NKAIN2: variants seen among roughly 807,000 people sequenced by gnomAD.
The protein encoded by NKAIN2 is sodium/potassium transporting ATPase interacting 2.
NKAIN2 carries 14 observed loss-of-function variants against 32.6 expected under a neutral mutation model. The ratio of observed to expected loss-of-function variants is 0.43; its 90% CI spans 0.28 to 0.67. NKAIN2 has a LOEUF of 0.67. Ranked by LOEUF, NKAIN2 falls within the 30% of genes least tolerant of loss-of-function variation. The pLI is 0.17. For synonymous variants in NKAIN2, 80 were observed against 87.2 expected (o/e 0.92, Z 0.46); for missense variants, 198 against 258.3 (o/e 0.77, Z 1.60).
chr6:124,818,111 G>A (rs567293676), intron 5 of NKAIN2, among the ~76,000 whole-genome samples: 1 of 152,104 alleles, frequency 6.6e-6, no homozygotes, highest in East Asian at 1.9e-4. Flanking sequence ...TTAGGTCTTG[G>A]TTGTTTGAAA....
chr6:124,739,676 T>C (rs1271904281), intron 4 of NKAIN2, among the ~76,000 whole-genome samples: 2 of 151,734 alleles, frequency 1.3e-5, no homozygotes, highest in African/African-American at 4.8e-5. Flanking sequence ...ATACACATCT[T>C]GAAAAAGGGA....
intron 3 of NKAIN2, among the ~76,000 whole-genome samples, chr6:124,381,841 A>G (rs1288352894): frequency 6.6e-6 from 1 of 152,160 alleles, no homozygotes; most frequent in Non-Finnish European, 1.5e-5. Context: ...AAACATGAGT[A>G]TTTGTGTATA....
chr6:124,221,401 T>A (rs1791810894), intron 1 of NKAIN2, among the ~76,000 whole-genome samples: 1 of 109,898 alleles, frequency 9.1e-6, no homozygotes, highest in Non-Finnish European at 1.8e-5. Context: ...CTCTGGGGAC[T>A]GTTGTGGGGT....
At chr6:124,288,583 T>G (rs965841790) in intron 2 of NKAIN2, among the ~76,000 whole-genome samples, 1 of 152,166 alleles carries the variant, frequency 6.6e-6, no homozygotes, top group African/African-American at 2.4e-5. Flanking sequence ...CTAGTAACAG[T>G]GAATTAGAAT....
intron 3 of NKAIN2, among the ~76,000 whole-genome samples, chr6:124,392,873 A>G (rs1301730180): frequency 6.6e-6 from 1 of 152,140 alleles, no homozygotes; most frequent in South Asian, 2.1e-4. Flanking sequence ...ATATGCTCCT[A>G]GTTTTTTCTT....
At chr6:124,110,239 A>G (rs984653110) in intron 1 of NKAIN2, among the ~76,000 whole-genome samples, 2 of 151,976 alleles carry the variant, frequency 1.3e-5, no homozygotes, top group Non-Finnish European at 2.9e-5. Flanking sequence ...AGGCACATCA[A>G]TAAATGTGAT....
intron 4 of NKAIN2, among the ~76,000 whole-genome samples, chr6:124,741,447 A>G (rs183655424): frequency 4.6e-5 from 7 of 152,030 alleles, no homozygotes; most frequent in Admixed American, 2.0e-4. Context: ...CTCAGGATGT[A>G]TGAGTATTGA....
chr6:123,891,017 AG>A (rs1284959568), intron 1 of NKAIN2, among the ~76,000 whole-genome samples: 1 of 152,184 alleles, frequency 6.6e-6, no homozygotes, highest in Non-Finnish European at 1.5e-5. Context: ...AACCCTAAAA[AG>A]GAATGAAATT....
At chr6:124,007,189 A>G (rs1780113471) in intron 1 of NKAIN2, among the ~76,000 whole-genome samples, 1 of 152,176 alleles carries the variant, frequency 6.6e-6, no homozygotes, top group South Asian at 2.1e-4. Flanking sequence ...TGTGTATCTA[A>G]ACATATCTAA....
In NKAIN2 at chr6:123,920,988, A is replaced by G. The variant is rs114933339; in HGVS notation, c.54+116734A>G. 8.1e-3 allele frequency among the ~76,000 whole-genome samples: 1,230 copies of G among 152,270 alleles called. 14 individuals are homozygous for G. Among genetic ancestry groups the G allele is most frequent in the African/African-American group, 0.028 (1,148 of 41,544 alleles). On this transcript the variant is annotated intron_variant, in intron 1 of 6. Transcript: ENST00000368417. ...CCTGTTCACCAGGAATTGGGATATG[A>G]CTGTGGGGTGGAGTGGCAAAATTAA...
At chr6:124,518,418 G>A (rs963942738) in intron 3 of NKAIN2, among the ~76,000 whole-genome samples, 2 of 152,048 alleles carry the variant, frequency 1.3e-5, no homozygotes, top group African/African-American at 4.8e-5. Flanking sequence ...TTAAAAAGAT[G>A]TTTGATTGGC....
chr6:124,282,574 A>G (rs753968185), intron 1 of NKAIN2, among the ~76,000 whole-genome samples: 1 of 152,160 alleles, frequency 6.6e-6, no homozygotes, highest in African/African-American at 2.4e-5. Flanking sequence ...CTTGCTAAAG[A>G]TTTCTTTTTC....
chr6:124,116,941 G>A (rs1348092128), intron 1 of NKAIN2, among the ~76,000 whole-genome samples: 1 of 152,020 alleles, frequency 6.6e-6, no homozygotes, highest in Non-Finnish European at 1.5e-5. Flanking sequence ...TAGCCAAGTA[G>A]TGAAGGCATT....
chr6:124,318,971 A>C (rs1183781965), intron 2 of NKAIN2, among the ~76,000 whole-genome samples: 1 of 152,104 alleles, frequency 6.6e-6, no homozygotes, highest in African/African-American at 2.4e-5. Flanking sequence ...TATGTATTTA[A>C]CACAGAATTA....
At chr6:124,581,210 C>T (rs375504418) in intron 3 of NKAIN2, among the ~76,000 whole-genome samples, 2 of 151,822 alleles carry the variant, frequency 1.3e-5, no homozygotes, top group African/African-American at 2.4e-5. Context: ...GAGGCCGAGG[C>T]GGGTGGATCA....
At chr6:124,664,287 G>T (rs993952570) in intron 4 of NKAIN2, among the ~76,000 whole-genome samples, 4 of 139,152 alleles carry the variant, frequency 2.9e-5, no homozygotes, top group African/African-American at 1.1e-4. Flanking sequence ...AAAAAAGAAA[G>T]AAAAAAAAAA....
At chr6:124,231,870 T>C (rs1381384080) in intron 1 of NKAIN2, among the ~76,000 whole-genome samples, 1 of 151,480 alleles carries the variant, frequency 6.6e-6, no homozygotes, top group African/African-American at 2.4e-5. Context: ...TACATATATA[T>C]ATACTTGCAC....
intron 3 of NKAIN2, among the ~76,000 whole-genome samples, chr6:124,605,629 T>C (rs1259429910): frequency 6.7e-6 from 1 of 150,234 alleles, no homozygotes; most frequent in Admixed American, 6.7e-5. Context: ...TTATGGGGTA[T>C]CTCCGCAGTA....
At chr6:124,815,226 A>ATG (rs899498802) in intron 5 of NKAIN2, among the ~76,000 whole-genome samples, 6 of 20,410 alleles carry the variant, frequency 2.9e-4, no homozygotes, top group African/African-American at 1.3e-3. Flanking sequence ...ATATATATAC[A>ATG]TATATATATA....
Sources: allele counts gnomAD v4.1 joint callset (sites outside exome capture counted in the v4.1 genomes callset), GRCh38; gene constraint gnomAD v4.1.1; transcripts MANE v1.5; gene names NCBI Gene and HGNC (gene_info 2026-07-23, HGNC 2026-07-21).